The following ZBTB20 variants were observed in gnomAD, a reference collection of about 807,000 sequenced individuals.
ZBTB20 encodes the protein zinc finger and BTB domain containing 20.
In ZBTB20, 9 loss-of-function variants were observed where a neutral mutation model predicts 56.9. The ratio of observed to expected loss-of-function variants is 0.16; its 90% confidence interval spans 0.10 to 0.28. The LOEUF (loss-of-function observed/expected upper bound fraction) is 0.28. Ranked by LOEUF, ZBTB20 falls within the 10% of genes least tolerant of loss-of-function variation. The pLI is 1.00. For missense variants in ZBTB20, 655 were observed against 1,003.0 expected, an observed-to-expected ratio of 0.65 and a Z score of 4.69; for synonymous variants, 417 against 420.7, an observed-to-expected ratio of 0.99 and a Z score of 0.11.
rs532222954 is a variant in ZBTB20, at chr3:114,792,074, T to C, written c.-343+9027A>G. The C allele has an allele frequency of 2.6e-5, 4 of 152,298 alleles. No homozygotes were observed. The South Asian group carries it at 8.3e-4, about 32-fold the overall frequency. 9.4% of individuals were successfully genotyped at this position (152,298 alleles called of 1,614,324 possible). Reference sequence around the variant, plus strand: ...ACGTGTGCCCAATTCCCTAGAAATTTACTGTTTCAAAGAGTCACAAGCTCC... The same window carrying C: ...ACGTGTGCCCAATTCCCTAGAAATTCACTGTTTCAAAGAGTCACAAGCTCC... On this transcript the variant is annotated intron_variant, in intron 5 of 11. Transcript: ENST00000675478.
chr3:114,890,518 G>T lies in ZBTB20; in HGVS notation c.-417+9786C>A, dbSNP rs138639994. 9.3e-4 allele frequency among the ~76,000 whole-genome samples: 141 copies of T among 152,194 alleles called. 2 individuals are homozygous for T. In the East Asian group the frequency reaches 0.025, roughly 27 times the overall value. On this transcript the variant is annotated intron_variant, in intron 4 of 11. Coordinates refer to ENST00000675478, the MANE Select transcript of ZBTB20 (RefSeq NM_001348800.3). ...TCACAAGGACAGAAAACCAAATACCGCATGTTCTCACTCATAGGTGGGAAT... is the reference window on the plus strand; with the variant it reads ...TCACAAGGACAGAAAACCAAATACCTCATGTTCTCACTCATAGGTGGGAAT...
intron 5 of ZBTB20, among the ~76,000 whole-genome samples, chr3:114,757,443 T>A (rs944486232): frequency 6.6e-6 from 1 of 152,176 alleles, no homozygotes; most frequent in Non-Finnish European, 1.5e-5. Flanking sequence ...CATAGAACTC[T>A]GGTTCAATTT....
intron 5 of ZBTB20, among the ~76,000 whole-genome samples, chr3:114,724,116 G>A (rs539144678): frequency 5.3e-5 from 8 of 151,746 alleles, no homozygotes; most frequent in South Asian, 2.1e-4. Flanking sequence ...CTCATGATCC[G>A]CCCACCTCGG....
chr3:114,537,973 G>A (rs1395268678), intron 6 of ZBTB20, among the ~76,000 whole-genome samples: 1 of 152,016 alleles, frequency 6.6e-6, no homozygotes, highest in Non-Finnish European at 1.5e-5. Flanking sequence ...CACACACTGG[G>A]GCCTGTTGGT....
chr3:114,780,777 C>T (rs1396154791), intron 5 of ZBTB20, among the ~76,000 whole-genome samples: 3 of 152,152 alleles, frequency 2.0e-5, no homozygotes, highest in Non-Finnish European at 4.4e-5. Flanking sequence ...TGAGCCACCA[C>T]GCCTGGCCCG....
chr3:115,110,998 A>G (rs2083862758), intron 1 of ZBTB20, among the ~76,000 whole-genome samples: 1 of 121,806 alleles, frequency 8.2e-6, no homozygotes, highest in South Asian at 2.5e-4. Flanking sequence ...TCAAAAAAAT[A>G]AAAATAAAAA....
intron 5 of ZBTB20, among the ~76,000 whole-genome samples, chr3:114,744,460 C>T (rs370078207): frequency 5.3e-5 from 8 of 152,100 alleles, no homozygotes; most frequent in Non-Finnish European, 1.0e-4. Context: ...GTTTTTTCCC[C>T]TGCCCTCCTG....
At chr3:114,961,363 A>G (rs1278715916) in intron 3 of ZBTB20, among the ~76,000 whole-genome samples, 2 of 152,148 alleles carry the variant, frequency 1.3e-5, no homozygotes, top group Non-Finnish European at 2.9e-5. Flanking sequence ...TTTTGGTTTA[A>G]TCAGAGATTT....
intron 1 of ZBTB20, among the ~76,000 whole-genome samples, chr3:115,140,005 G>A (rs1438955221): frequency 1.3e-5 from 2 of 151,988 alleles, no homozygotes. Flanking sequence ...GCAAAGTCAA[G>A]TATTTTACAT....
chr3:114,769,532 T>G (rs1239075268), intron 5 of ZBTB20, among the ~76,000 whole-genome samples: 1 of 145,614 alleles, frequency 6.9e-6, no homozygotes, highest in Non-Finnish European at 1.5e-5. Flanking sequence ...ATATACTTTG[T>G]TTTACTGTGT....
chr3:115,121,944 A>G (rs567196525), intron 1 of ZBTB20, among the ~76,000 whole-genome samples: 2 of 152,160 alleles, frequency 1.3e-5, no homozygotes, highest in Admixed American at 6.5e-5. Context: ...ATTTTAAATT[A>G]GAATTTAAAG....
At chr3:114,969,790 C>T (rs902656724) in intron 3 of ZBTB20, among the ~76,000 whole-genome samples, 6 of 152,092 alleles carry the variant, frequency 3.9e-5, no homozygotes, top group African/African-American at 1.4e-4. Context: ...AAGTAGGATT[C>T]TCTGAACCAA....
chr3:114,363,440 A>T (rs2082083455), intron 10 of ZBTB20, among the ~76,000 whole-genome samples: 1 of 152,238 alleles, frequency 6.6e-6, no homozygotes, highest in Non-Finnish European at 1.5e-5. Context: ...AATAATGAGA[A>T]GATAAAATAT....
chr3:114,724,981 C>T (rs1001285036), intron 5 of ZBTB20, among the ~76,000 whole-genome samples: 2 of 152,114 alleles, frequency 1.3e-5, no homozygotes, highest in Admixed American at 6.5e-5. Context: ...GGGCTCCAAT[C>T]CCAGAGATTC....
rs2078797804 is a variant in ZBTB20, at chr3:114,319,074, C to T, written c.*19931G>A. The T allele has an allele frequency of 6.6e-6, 1 of 152,020 alleles. No individual in the cohort carries two copies. Among genetic ancestry groups the T allele is most frequent in the Non-Finnish European group, 1.5e-5 (1 of 68,012 alleles). 9.4% of individuals were successfully genotyped at this position (152,020 alleles called of 1,614,324 possible). On this transcript the variant is annotated 3_prime_UTR_variant, in exon 12 of 12. Transcript: ENST00000675478. ...ACAACAATATAATCCCAACTTTTAA[C>T]ACGCATCTTGAATCAGTAATTTTTT...
chr3:114,811,362 T>A (rs1395853052), intron 4 of ZBTB20, among the ~76,000 whole-genome samples: 2 of 152,198 alleles, frequency 1.3e-5, no homozygotes, highest in African/African-American at 4.8e-5. Context: ...TATAATAATT[T>A]TTCCTTTACA....
chr3:114,963,109 C>G (rs1167363340), intron 3 of ZBTB20, among the ~76,000 whole-genome samples: 2 of 151,842 alleles, frequency 1.3e-5, no homozygotes, highest in Non-Finnish European at 2.9e-5. Flanking sequence ...TTCAGTCTCT[C>G]AATCCCTCCT....
At chr3:114,959,707 A>G (rs1384223689) in intron 3 of ZBTB20, among the ~76,000 whole-genome samples, 2 of 127,394 alleles carry the variant, frequency 1.6e-5, no homozygotes, top group Non-Finnish European at 3.4e-5. Flanking sequence ...ACACACATCT[A>G]TATTTATATA....
intron 7 of ZBTB20, among the ~76,000 whole-genome samples, chr3:114,488,275 A>C (rs1369963205): frequency 6.6e-6 from 1 of 152,260 alleles, no homozygotes; most frequent in Non-Finnish European, 1.5e-5. Context: ...CTGCCTTTGC[A>C]GTAAAGAATG....
Sources: gnomAD v4.1 joint callset for allele counts (sites outside exome capture counted in the v4.1 genomes callset) on GRCh38, gnomAD v4.1.1 for gene constraint, MANE v1.5 for transcripts, NCBI Gene and HGNC (gene_info 2026-07-23, HGNC 2026-07-21) for gene names.